Variants in ZFAND6 observed in about 807,000 individuals in gnomAD.
The protein encoded by ZFAND6 is AN1-type zinc finger protein 6.
A neutral mutation model predicts 24.5 loss-of-function variants in ZFAND6; 12 were observed. The observed-to-expected ratio is 0.49, with a 90% CI of 0.31 to 0.79. ZFAND6 has a LOEUF of 0.79. Among genes scored for constraint, ZFAND6 ranks in the 30% least tolerant of loss-of-function variants. ZFAND6 has a pLI of 0.04. For synonymous variants in ZFAND6, 92 were observed against 81.5 expected (o/e 1.13, Z -0.69); for missense variants, 207 against 245.9 (o/e 0.84, Z 1.06).
At chr15:80,127,526 G>T (rs1158636905) in intron 5 of ZFAND6, among the ~76,000 whole-genome samples, 1 of 149,542 alleles carries the variant, frequency 6.7e-6, no homozygotes, top group Non-Finnish European at 1.5e-5. Context: ...GGAGGTGGAG[G>T]TTGCAGTGAG....
At chr15:80,080,631 A>G (rs1193256958) in intron 1 of ZFAND6, among the ~76,000 whole-genome samples, 3 of 152,214 alleles carry the variant, frequency 2.0e-5, no homozygotes, top group African/African-American at 7.2e-5. Context: ...GTGTTAGGTC[A>G]TTCTTGCATT....
At chr15:80,130,722 ATACT>A (rs1358500448) in intron 5 of ZFAND6, 1 of 154,606 alleles carries the variant, frequency 6.5e-6, no homozygotes, top group Admixed American at 6.5e-5. Flanking sequence ...AACTTTAAAC[ATACT>A]TAATATTCCA....
intron 4 of ZFAND6, among the ~76,000 whole-genome samples, 182 bp downstream of exon 4, chr15:80,122,002 G>T (rs1011364845): frequency 4.6e-5 from 7 of 152,098 alleles, no homozygotes; most frequent in Admixed American, 2.0e-4. Flanking sequence ...GGGATCGGGG[G>T]TTATCGTTTA....
At chr15:80,112,779 G>A in intron 2 of ZFAND6, 1 of 456,006 alleles carries the variant, frequency 2.2e-6, no homozygotes, top group South Asian at 1.5e-5. Flanking sequence ...GTGATAGTTG[G>A]AGATCCAAAG....
chr15:80,089,263 T>G (rs1386051644), intron 1 of ZFAND6, among the ~76,000 whole-genome samples: 2 of 131,590 alleles, frequency 1.5e-5, no homozygotes, highest in African/African-American at 5.7e-5. Context: ...GTGTGTGTTT[T>G]TTTTTTTTTT....
At position 80,077,695 on chromosome 15, in the gene ZFAND6, T is replaced by TCC. The variant is rs2037365145; in HGVS notation, c.-181+17886_-181+17887insCC. On this transcript the variant is annotated intron_variant, in intron 1 of 6. Coordinates refer to ENST00000261749, the MANE Select transcript of ZFAND6 (RefSeq NM_019006.4). ...TTGTAAGAATAGGAGTGAGTTTTCTTTCTTTTTTTTTTTTTTTTTTTGGAG... is the reference window on the plus strand; with the variant it reads ...TTGTAAGAATAGGAGTGAGTTTTCTTCCTCTTTTTTTTTTTTTTTTTTTGGAG... Among the ~76,000 whole-genome samples the TCC allele has an allele frequency of 2.7e-5, 3 of 111,808 alleles. No individual in the cohort carries two copies. In the Admixed American group the frequency reaches 3.0e-4, roughly 11 times the overall value. The allele number at this position is 111,808 out of a possible 152,430, so 73.4% of individuals were successfully genotyped here.
chr15:80,124,081 C>A (rs184363418), intron 5 of ZFAND6, among the ~76,000 whole-genome samples: 1 of 152,222 alleles, frequency 6.6e-6, no homozygotes, highest in East Asian at 1.9e-4. Flanking sequence ...GTGAATAATT[C>A]TTATTTCTTA....
chr15:80,123,828 G>A (rs970350416), intron 5 of ZFAND6, among the ~76,000 whole-genome samples: 11 of 152,162 alleles, frequency 7.2e-5, no homozygotes, highest in African/African-American at 2.7e-4. Context: ...AGCTATGATC[G>A]TGCCACTGCA....
chr15:80,127,315 C>T (rs554481397), intron 5 of ZFAND6, among the ~76,000 whole-genome samples: 6 of 151,816 alleles, frequency 4.0e-5, no homozygotes, highest in Non-Finnish European at 7.4e-5. Context: ...GGGCCGGGTG[C>T]GGTGGTTCAC....
chr15:80,115,925 A>G (rs915550872), intron 2 of ZFAND6, among the ~76,000 whole-genome samples: 1 of 151,974 alleles, frequency 6.6e-6, no homozygotes, highest in Non-Finnish European at 1.5e-5. Context: ...TTATCCTTTT[A>G]CTGTTTGGTT....
At chr15:80,072,197 CT>C (rs2037014516) in intron 1 of ZFAND6, among the ~76,000 whole-genome samples, 1 of 150,758 alleles carries the variant, frequency 6.6e-6, no homozygotes, top group South Asian at 2.1e-4. Context: ...TAAAAATAAT[CT>C]GTCTTTAAAG....
chr15:80,064,280 A>G (rs1567045798), intron 1 of ZFAND6, among the ~76,000 whole-genome samples: 1 of 152,214 alleles, frequency 6.6e-6, no homozygotes, highest in African/African-American at 2.4e-5. Flanking sequence ...AAGTTTGACT[A>G]ACATCAAACT....
chr15:80,092,326 G>GAA (rs373513444), intron 1 of ZFAND6, among the ~76,000 whole-genome samples: 26 of 103,586 alleles, frequency 2.5e-4, no homozygotes, highest in East Asian at 7.9e-4. Flanking sequence ...ATCTCTACAG[G>GAA]AAAAAAAAAA....
chr15:80,124,018 G>A (rs144172684), intron 5 of ZFAND6, among the ~76,000 whole-genome samples: 2 of 152,226 alleles, frequency 1.3e-5, no homozygotes, highest in African/African-American at 4.8e-5. Context: ...TGTGGTCAAC[G>A]TAAATATTCT....
chr15:80,065,144 C>G (rs1157069963), intron 1 of ZFAND6, among the ~76,000 whole-genome samples: 1 of 150,286 alleles, frequency 6.7e-6, no homozygotes. Context: ...AAGTTTTCTT[C>G]TAGTTCTTTT....
chr15:80,123,380 C>A (rs1277051948), intron 5 of ZFAND6, among the ~76,000 whole-genome samples: 1 of 152,162 alleles, frequency 6.6e-6, no homozygotes, highest in East Asian at 1.9e-4. Flanking sequence ...AGAGAGAATG[C>A]GGAGTAGGCC....
chr15:80,087,014 A>G (rs575305281), intron 1 of ZFAND6, among the ~76,000 whole-genome samples: 1 of 152,354 alleles, frequency 6.6e-6, no homozygotes, highest in East Asian at 1.9e-4. Context: ...TTAAAGGTGG[A>G]ATAATACTCT....
At chr15:80,132,984 A>G (rs1392753228) in intron 6 of ZFAND6, among the ~76,000 whole-genome samples, 1 of 151,390 alleles carries the variant, frequency 6.6e-6, no homozygotes, top group Non-Finnish European at 1.5e-5. Flanking sequence ...CTCTGCAGCT[A>G]TGCCAGCAGG....
chr15:80,082,511 TAGGG>T (rs1187485948), intron 1 of ZFAND6, among the ~76,000 whole-genome samples: 1 of 152,138 alleles, frequency 6.6e-6, no homozygotes, highest in Non-Finnish European at 1.5e-5. Flanking sequence ...AAGGTTTACT[TAGGG>T]AGAGGAATTC....
Sources: allele counts gnomAD v4.1 joint callset (sites outside exome capture counted in the v4.1 genomes callset), GRCh38; gene constraint gnomAD v4.1.1; transcripts MANE v1.5; gene names NCBI Gene and HGNC (gene_info 2026-07-23, HGNC 2026-07-21).